CPA6: variants seen among roughly 807,000 people sequenced by gnomAD.
CPA6 encodes the protein carboxypeptidase B.
CPA6 carries 58 observed loss-of-function variants against 63.3 expected under a neutral mutation model. The observed-to-expected ratio is 0.92, with a 90% CI of 0.74 to 1.14. CPA6 has a LOEUF of 1.14. Among genes scored for constraint, CPA6 ranks in the 50% most tolerant of loss-of-function variants. The pLI is 0.00. For synonymous variants in CPA6, 185 were observed against 179.0 expected (o/e 1.03, Z -0.27); for missense variants, 565 against 526.6 (o/e 1.07, Z -0.71).
At chr8:67,497,238 C>G (rs185296757) in intron 6 of CPA6, among the ~76,000 whole-genome samples, 3 of 152,232 alleles carry the variant, frequency 2.0e-5, no homozygotes, top group African/African-American at 4.8e-5. Context: ...CAAAAAGAAC[C>G]TGGTAGTTGT....
chr8:67,597,504 T>C (rs1814377355), intron 2 of CPA6, among the ~76,000 whole-genome samples: 1 of 152,158 alleles, frequency 6.6e-6, no homozygotes, highest in African/African-American at 2.4e-5. Flanking sequence ...CCTCTGTGTC[T>C]TTTATCTTGC....
intron 1 of CPA6, among the ~76,000 whole-genome samples, chr8:67,722,367 T>A (rs1817517673): frequency 6.6e-6 from 1 of 152,176 alleles, no homozygotes; most frequent in Admixed American, 6.5e-5. Context: ...ATTCAGTACA[T>A]CTGGGGCAAG....
At position 67,745,733 on chromosome 8, in the gene CPA6, C is replaced by A. The variant is rs1817994746; in HGVS notation, c.116+281G>T. Among the ~76,000 whole-genome samples the A allele has an allele frequency of 2.0e-5, 3 of 152,286 alleles. No individual in the cohort carries two copies. In the South Asian group the frequency reaches 6.2e-4, roughly 32 times the overall value. On this transcript the variant is annotated intron_variant, in intron 1 of 10. Transcript: ENST00000297770. ...CCAAGGCAAACACTGTAAATACTGA[C>A]CATGGCTACTCCAAAGACAGAATCC...
intron 4 of CPA6, among the ~76,000 whole-genome samples, chr8:67,510,955 A>C (rs1812031363): frequency 6.6e-6 from 1 of 152,232 alleles, no homozygotes; most frequent in African/African-American, 2.4e-5. Context: ...GGTTTAATCC[A>C]ATCTGGGAGA....
rs151067143 is a variant in CPA6 at position 67,742,689 on chromosome 8, C to T, written c.116+3325G>A. ...TGGTGAGGAAGGTCTAATATTACCT[C>T]CATTGTCCAAGATAAGGAAACCTCA... On this transcript the variant is annotated intron_variant, in intron 1 of 10. Transcript: ENST00000297770. Among the ~76,000 whole-genome samples, 448 of 152,224 alleles carry T rather than the reference C, an allele frequency of 2.9e-3. 2 individuals carry two copies. Among genetic ancestry groups the T allele is most frequent in the Admixed American group, 5.4e-3 (82 of 15,284 alleles).
Position 67,607,251 on chromosome 8 carries a change from T to TCTC in CPA6, c.192+16922_192+16924dup, listed in dbSNP as rs1307098146. 1.0e-2 allele frequency among the ~76,000 whole-genome samples: 808 copies of TCTC among 81,044 alleles called. 120 individuals are homozygous for TCTC. The highest frequency in any genetic ancestry group is 0.024 in the African/African-American group (372 of 15,340). The allele number at this position is 81,044 out of a possible 152,430, so 53.2% of individuals were successfully genotyped here. A position where few individuals can be genotyped will look rare whatever the true frequency, so the allele number is the denominator to read the frequency against. On this transcript the variant is annotated intron_variant, in intron 2 of 10. Transcript: ENST00000297770. ...TTCTTCTTCTTCTTCTTCTTCTTCTTCTCCTCCTCCTCCTTTCTTCTTTCT... is the reference window on the plus strand; with the variant it reads ...TTCTTCTTCTTCTTCTTCTTCTTCTTCTCCTCCTCCTCCTCCTTTCTTCTTTCT...
intron 1 of CPA6, among the ~76,000 whole-genome samples, chr8:67,707,944 T>C (rs1475009702): frequency 1.3e-5 from 2 of 151,806 alleles, no homozygotes; most frequent in Admixed American, 6.6e-5. Flanking sequence ...ATTTGACTTA[T>C]AGAGCCAATA....
intron 2 of CPA6, among the ~76,000 whole-genome samples, chr8:67,597,667 A>C (rs73692171): frequency 0.068 from 10,302 of 152,018 alleles, 627 homozygotes; most frequent in African/African-American, 0.16. Context: ...TTTCAGTTCT[A>C]TGTTTTCTAC....
intron 2 of CPA6, among the ~76,000 whole-genome samples, chr8:67,534,997 T>G (rs1008010687): frequency 2.0e-5 from 3 of 152,120 alleles, no homozygotes; most frequent in African/African-American, 7.2e-5. Context: ...CTGCTGAGAA[T>G]GATGGTTTCC....
chr8:67,585,958 G>C (rs1201149487), intron 2 of CPA6, among the ~76,000 whole-genome samples: 1 of 123,314 alleles, frequency 8.1e-6, no homozygotes, highest in Non-Finnish European at 1.6e-5. Flanking sequence ...TTCATCTATG[G>C]GCTCACTCAT....
intron 9 of CPA6, chr8:67,429,649 A>C (rs1809974039): frequency 6.6e-6 from 1 of 152,182 alleles, no homozygotes; most frequent in Non-Finnish European, 1.5e-5. Flanking sequence ...ACCACAATTA[A>C]ATACCTTTAT....
At chr8:67,512,259 T>G (rs953218532) in intron 3 of CPA6, among the ~76,000 whole-genome samples, 6 of 152,192 alleles carry the variant, frequency 3.9e-5, no homozygotes, top group Non-Finnish European at 7.3e-5. Flanking sequence ...TTTTTCCTGC[T>G]GCTTCTTCCT....
intron 10 of CPA6, among the ~76,000 whole-genome samples, chr8:67,427,712 C>T (rs1421835778): frequency 6.6e-6 from 1 of 152,160 alleles, no homozygotes; most frequent in Non-Finnish European, 1.5e-5. Flanking sequence ...ACCTCATTAT[C>T]TTCCCAAGGC....
At chr8:67,430,495 T>G (rs1275793158) in intron 9 of CPA6, among the ~76,000 whole-genome samples, 1 of 152,158 alleles carries the variant, frequency 6.6e-6, no homozygotes, top group Non-Finnish European at 1.5e-5. Flanking sequence ...AGCAACTTAA[T>G]GACTAAAAAA....
intron 1 of CPA6, among the ~76,000 whole-genome samples, chr8:67,642,322 A>C (rs1587663178): frequency 6.6e-6 from 1 of 152,030 alleles, no homozygotes; most frequent in East Asian, 1.9e-4. Flanking sequence ...CATCTCAAAA[A>C]AAAAAAAAAA....
intron 2 of CPA6, among the ~76,000 whole-genome samples, chr8:67,566,456 C>A (rs983169592): frequency 2.0e-5 from 3 of 152,232 alleles, no homozygotes; most frequent in African/African-American, 7.2e-5. Flanking sequence ...ACTTTAAGGA[C>A]AATATCTTGT....
At chr8:67,640,396 G>T (rs1815563690) in intron 1 of CPA6, among the ~76,000 whole-genome samples, 1 of 151,592 alleles carries the variant, frequency 6.6e-6, no homozygotes. Context: ...GTGGCAGGGA[G>T]CTGGCGTGTT....
At chr8:67,551,356 T>C (rs1433338671) in intron 2 of CPA6, among the ~76,000 whole-genome samples, 1 of 152,174 alleles carries the variant, frequency 6.6e-6, no homozygotes, top group African/African-American at 2.4e-5. Flanking sequence ...ATTTCTTGGC[T>C]CTCTATTGTA....
At chr8:67,664,228 C>T (rs949635125) in intron 1 of CPA6, among the ~76,000 whole-genome samples, 1 of 152,270 alleles carries the variant, frequency 6.6e-6, no homozygotes, top group Admixed American at 6.5e-5. Context: ...AGGTGAGAGA[C>T]TTTGATTCGA....
Sources: gnomAD v4.1 joint callset for allele counts (sites outside exome capture counted in the v4.1 genomes callset) on GRCh38, gnomAD v4.1.1 for gene constraint, MANE v1.5 for transcripts, NCBI Gene and HGNC (gene_info 2026-07-23, HGNC 2026-07-21) for gene names.